Variants in CDH4 observed in about 807,000 individuals in gnomAD.
CDH4 encodes the protein cadherin-4.
Under a neutral mutation model 86.0 loss-of-function variants are expected in CDH4, and 33 were observed. The observed-to-expected ratio is 0.38, with a 90% CI of 0.29 to 0.51. The LOEUF (loss-of-function observed/expected upper bound fraction) is 0.51, where lower values mean the gene tolerates loss of function less well. Among genes scored for constraint, CDH4 ranks in the 20% least tolerant of loss-of-function variants. The pLI, the probability that CDH4 is intolerant of heterozygous loss-of-function variation, is 0.86. For missense variants in CDH4, 1,114 were observed against 1,307.4 expected, an observed-to-expected ratio of 0.85 and a Z score of 2.28; for synonymous variants, 555 against 549.4, an observed-to-expected ratio of 1.01 and a Z score of -0.14.
At chr20:61,371,791 G>A (rs1284720334) in intron 2 of CDH4, among the ~76,000 whole-genome samples, 1 of 152,226 alleles carries the variant, frequency 6.6e-6, no homozygotes, top group East Asian at 1.9e-4. Context: ...TCCAGAACGG[G>A]CAAGAGTGTG....
At chr20:61,273,482 A>G (rs1413666940) in intron 2 of CDH4, among the ~76,000 whole-genome samples, 1 of 3,478 alleles carries the variant, frequency 2.9e-4, no homozygotes, top group African/African-American at 8.3e-4. Flanking sequence ...TTGGGGGAGT[A>G]TTGGGGGAGT....
At chr20:61,339,792 A>G (rs975011546) in intron 2 of CDH4, among the ~76,000 whole-genome samples, 6 of 152,128 alleles carry the variant, frequency 3.9e-5, no homozygotes, top group Non-Finnish European at 5.9e-5. Context: ...TGGGGATTGG[A>G]AGTCTTAGAG....
chr20:61,254,688 G>A (rs3752254), intron 1 of CDH4, 138 bp from the exon 2 acceptor site: 11,442 of 671,214 alleles, frequency 0.017, 636 homozygotes, highest in East Asian at 0.16. Context: ...ACGGGGTATC[G>A]CGTCTGGGTG....
intron 2 of CDH4, among the ~76,000 whole-genome samples, chr20:61,734,246 T>C (rs2088232785): frequency 6.6e-6 from 1 of 152,164 alleles, no homozygotes; most frequent in Non-Finnish European, 1.5e-5. Context: ...TCCTTCATCT[T>C]GGAAAAACAA....
intron 2 of CDH4, among the ~76,000 whole-genome samples, chr20:61,460,614 G>T (rs981799665): frequency 1.3e-5 from 2 of 152,208 alleles, no homozygotes; most frequent in Non-Finnish European, 2.9e-5. Context: ...GTCCAGGTAT[G>T]CACGGAGGCG....
chr20:61,408,439 A>G (rs1281987800), intron 2 of CDH4, among the ~76,000 whole-genome samples: 1 of 152,170 alleles, frequency 6.6e-6, no homozygotes, highest in Non-Finnish European at 1.5e-5. Flanking sequence ...ATGCATGAGT[A>G]AAAGTTGACC....
At chr20:61,436,968 A>C (rs531871524) in intron 2 of CDH4, 1 of 152,560 alleles carries the variant, frequency 6.6e-6, no homozygotes, top group South Asian at 2.1e-4. Flanking sequence ...TCAGAAAGGC[A>C]AGGCCTGGCC....
chr20:61,824,078 C>G (rs1417006796), intron 4 of CDH4, among the ~76,000 whole-genome samples: 2 of 152,208 alleles, frequency 1.3e-5, no homozygotes, highest in Non-Finnish European at 2.9e-5. Context: ...TACCAGATGT[C>G]TAGAGCAACA....
intron 2 of CDH4, among the ~76,000 whole-genome samples, chr20:61,368,216 C>T (rs28625587): frequency 0.78 from 118,694 of 152,114 alleles, 46,401 homozygotes; most frequent in South Asian, 0.9. Context: ...ATAGTAACTT[C>T]CCACTGGAGA....
rs192756812 is a variant in CDH4, at chr20:61,647,323, C to T, written c.170-96240C>T. On this transcript the variant is annotated intron_variant, in intron 2 of 15. Coordinates refer to ENST00000614565, the MANE Select transcript of CDH4 (RefSeq NM_001794.5). ...CTGGCTGTCTGCCTGGAGGCATCTCCCTCACGCTTTGCCCTAGCGCAACTT... is the reference window on the plus strand; with the variant it reads ...CTGGCTGTCTGCCTGGAGGCATCTCTCTCACGCTTTGCCCTAGCGCAACTT... Among the ~76,000 whole-genome samples the T allele has an allele frequency of 2.6e-5, 4 of 152,220 alleles. No homozygotes were observed. The East Asian group carries it at 7.7e-4, about 29-fold the overall frequency.
chr20:61,273,265 G>A lies in CDH4; in HGVS notation c.169+18328G>A, dbSNP rs140674362. ...ACAGTGTGCAGTTTAGGGGAGTACC[G>A]TGTGCAGTTTGGGGGAGTATTGGGG... is the stretch of plus-strand genomic sequence containing the variant. On this transcript the variant is annotated intron_variant, in intron 2 of 15. Transcript: ENST00000614565. Among the ~76,000 whole-genome samples the A allele has an allele frequency of 5.6e-4, 74 of 132,440 alleles. 1 individual carries two copies. In the East Asian group the frequency reaches 0.012, roughly 21 times the overall value. The allele number at this position is 132,440 out of a possible 152,430, so 86.9% of individuals were successfully genotyped here.
chr20:61,449,319 G>A (rs1479169530), intron 2 of CDH4, among the ~76,000 whole-genome samples: 1 of 152,186 alleles, frequency 6.6e-6, no homozygotes, highest in African/African-American at 2.4e-5. Flanking sequence ...CAAGGAAAGG[G>A]GAAATTAAAA....
At chr20:61,257,457 C>T (rs905123781) in intron 2 of CDH4, among the ~76,000 whole-genome samples, 19 of 152,362 alleles carry the variant, frequency 1.2e-4, no homozygotes, top group East Asian at 1.9e-4. Context: ...TTCCGAGAAG[C>T]GGAGCCGCGA....
At chr20:61,918,029 A>C (rs2054924667) in intron 9 of CDH4, among the ~76,000 whole-genome samples, 1 of 152,228 alleles carries the variant, frequency 6.6e-6, no homozygotes, top group African/African-American at 2.4e-5. Context: ...ACGTGATGAA[A>C]CAGTCTAGCC....
chr20:61,918,331 T>G (rs2054928406), intron 9 of CDH4, among the ~76,000 whole-genome samples: 1 of 152,184 alleles, frequency 6.6e-6, no homozygotes, highest in East Asian at 1.9e-4. Context: ...CAGCTGCAGG[T>G]GTGAGGCCCC....
chr20:61,363,431 A>G (rs1443372007), intron 2 of CDH4, among the ~76,000 whole-genome samples: 2 of 152,036 alleles, frequency 1.3e-5, no homozygotes, highest in Non-Finnish European at 2.9e-5. Context: ...TCTCTCTCAC[A>G]TACACACACA....
intron 2 of CDH4, among the ~76,000 whole-genome samples, chr20:61,569,381 A>T (rs2086325077): frequency 6.6e-6 from 1 of 152,168 alleles, no homozygotes; most frequent in Admixed American, 6.5e-5. Context: ...GAAGTCTCTG[A>T]TTTTCTTCAC....
intron 15 of CDH4, among the ~76,000 whole-genome samples, chr20:61,936,248 AC>A (rs2055181410): frequency 1.1e-5 from 1 of 89,848 alleles, no homozygotes; most frequent in Non-Finnish European, 2.3e-5. Context: ...CCCAGCCCTC[AC>A]CTCCCCCACA....
At chr20:61,797,967 G>A (rs1427751717) in intron 4 of CDH4, among the ~76,000 whole-genome samples, 4 of 152,174 alleles carry the variant, frequency 2.6e-5, no homozygotes, top group Non-Finnish European at 5.9e-5. Context: ...GGGGGACAGT[G>A]CTTGCTCATC....
Sources: gnomAD v4.1 joint callset for allele counts (sites outside exome capture counted in the v4.1 genomes callset) on GRCh38, gnomAD v4.1.1 for gene constraint, MANE v1.5 for transcripts, NCBI Gene and HGNC (gene_info 2026-07-23, HGNC 2026-07-21) for gene names.